ZMYND11: variants seen among roughly 807,000 people sequenced by gnomAD.
ZMYND11 encodes the protein zinc finger MYND domain-containing protein 11.
ZMYND11 carries 9 observed loss-of-function variants against 84.9 expected under a neutral mutation model. The observed-to-expected ratio is 0.11, with a 90% CI of 0.06 to 0.18. ZMYND11 has a LOEUF of 0.18. ZMYND11 is among the 10% of genes least tolerant of loss of function. The pLI, the probability that ZMYND11 is intolerant of heterozygous loss-of-function variation, is 1.00. For synonymous variants in ZMYND11, 250 were observed against 244.1 expected (o/e 1.02, Z -0.23); for missense variants, 409 against 761.0 (o/e 0.54, Z 5.44).
intron 1 of ZMYND11, among the ~76,000 whole-genome samples, chr10:146,750 G>A (rs1359819161): frequency 7.9e-5 from 12 of 152,320 alleles, no homozygotes; most frequent in African/African-American, 2.9e-4. Context: ...CACATGTTGT[G>A]GGAGGGACCC....
At chr10:153,259 C>T (rs1297039802) in intron 1 of ZMYND11, among the ~76,000 whole-genome samples, 1 of 152,010 alleles carries the variant, frequency 6.6e-6, no homozygotes, top group Non-Finnish European at 1.5e-5. Flanking sequence ...GAAACATTCT[C>T]GTTAAATTTA....
chr10:243,710 G>A (rs763282582), intron 10 of ZMYND11, among the ~76,000 whole-genome samples: 3 of 152,094 alleles, frequency 2.0e-5, no homozygotes, highest in Non-Finnish European at 2.9e-5. Context: ...CTAAAAATAT[G>A]AAAAATTAGC....
At chr10:141,374 A>G (rs1226898510) in intron 1 of ZMYND11, among the ~76,000 whole-genome samples, 8 of 152,192 alleles carry the variant, frequency 5.3e-5, no homozygotes, top group African/African-American at 1.7e-4. Flanking sequence ...AGAGTAACAC[A>G]TTTACTGAAG....
At chr10:235,473 C>T (rs557611941) in intron 4 of ZMYND11, among the ~76,000 whole-genome samples, 1 of 151,768 alleles carries the variant, frequency 6.6e-6, no homozygotes, top group South Asian at 2.1e-4. Context: ...ACTTTATATT[C>T]CATATCTATG....
intron 10 of ZMYND11, among the ~76,000 whole-genome samples, chr10:244,938 AG>A (rs1951823828): frequency 6.6e-6 from 1 of 152,254 alleles, no homozygotes; most frequent in Non-Finnish European, 1.5e-5. Flanking sequence ...CATTCCAGGT[AG>A]TCAGCACTGC....
chr10:195,267 C>T (rs1222043625), intron 2 of ZMYND11, among the ~76,000 whole-genome samples: 1 of 152,000 alleles, frequency 6.6e-6, no homozygotes, highest in Non-Finnish European at 1.5e-5. Flanking sequence ...TTCTCAGTGG[C>T]TAACGTCAGG....
At chr10:239,366 CCTG>C in intron 6 of ZMYND11, 69 bp from the exon 7 acceptor site, 1 of 1,217,662 alleles carries the variant, frequency 8.2e-7, no homozygotes, top group Non-Finnish European at 1.2e-6. Context: ...GACTGCTTGT[CCTG>C]TGAACTTAGT....
intron 2 of ZMYND11, among the ~76,000 whole-genome samples, chr10:181,567 C>T (rs1000511658): frequency 2.0e-5 from 3 of 151,988 alleles, no homozygotes; most frequent in Non-Finnish European, 2.9e-5. Flanking sequence ...TGCAGTGAGC[C>T]GAGGAAAGGC....
intron 3 of ZMYND11, among the ~76,000 whole-genome samples, 196 bp from the exon 4 acceptor site, chr10:220,999 T>C (rs1372481547): frequency 6.6e-6 from 1 of 152,198 alleles, no homozygotes; most frequent in East Asian, 1.9e-4. Context: ...TTTCTGAATA[T>C]TACCACTGTT....
intron 2 of ZMYND11, among the ~76,000 whole-genome samples, chr10:183,908 A>T (rs1848404713): frequency 6.6e-6 from 1 of 152,106 alleles, no homozygotes; most frequent in Non-Finnish European, 1.5e-5. Flanking sequence ...GATTTCTCCC[A>T]GGTGCTCTGG....
intron 1 of ZMYND11, among the ~76,000 whole-genome samples, chr10:153,520 T>A (rs1481409907): frequency 6.6e-6 from 1 of 152,266 alleles, no homozygotes; most frequent in African/African-American, 2.4e-5. Context: ...CCTTTTCTTT[T>A]TTAAATTTAC....
chr10:184,385 TA>T, intron 2 of ZMYND11, among the ~76,000 whole-genome samples: 1 of 152,312 alleles, frequency 6.6e-6, no homozygotes, highest in East Asian at 1.9e-4. Flanking sequence ...TTGTACTTTT[TA>T]ATTCTTTTCA....
intron 2 of ZMYND11, among the ~76,000 whole-genome samples, chr10:189,571 T>C (rs1215494119): frequency 1.3e-5 from 2 of 152,250 alleles, no homozygotes; most frequent in Non-Finnish European, 2.9e-5. Context: ...TATACTGTTA[T>C]TATTGTATAC....
chr10:250,703 G>A (rs755622495), intron 14 of ZMYND11, among the ~76,000 whole-genome samples: 1 of 151,998 alleles, frequency 6.6e-6, no homozygotes, highest in Non-Finnish European at 1.5e-5. Flanking sequence ...TGGCAGAGCT[G>A]AGCTTTTTGT....
chr10:182,963 T>A (rs1005905939), intron 2 of ZMYND11, among the ~76,000 whole-genome samples: 3 of 152,222 alleles, frequency 2.0e-5, no homozygotes, highest in Admixed American at 6.5e-5. Context: ...TGCAGATATC[T>A]TAAGGTACTG....
At chr10:160,115 A>C (rs1237597842) in intron 1 of ZMYND11, among the ~76,000 whole-genome samples, 1 of 152,176 alleles carries the variant, frequency 6.6e-6, no homozygotes, top group African/African-American at 2.4e-5. Flanking sequence ...GATGGCTTTG[A>C]AGCTGATATG....
chr10:174,195 C>A (rs76405832), intron 1 of ZMYND11, among the ~76,000 whole-genome samples: 4,791 of 152,228 alleles, frequency 0.031, 110 homozygotes, highest in Non-Finnish European at 0.039. Flanking sequence ...TATATGCAGC[C>A]AGTGGAATGT....
At position 241,253 on chromosome 10, in the gene ZMYND11, G is replaced by A. The variant is rs182955368; in HGVS notation, c.831+283G>A. 1.4e-3 allele frequency among the ~76,000 whole-genome samples: 219 copies of A among 152,174 alleles called. 3 individuals carry two copies. Among genetic ancestry groups the A allele is most frequent in the African/African-American group, 5.1e-3 (213 of 41,512 alleles). The stretch of plus-strand genomic sequence containing the variant: ...TGCAGTGGTGTGATCTCAGCTCACC[G>A]TAGCCTTGACCTCCTCCAGGCTCAA... On this transcript the variant is annotated intron_variant, in intron 9 of 14. Transcript: ENST00000381604.
intron 9 of ZMYND11, among the ~76,000 whole-genome samples, chr10:241,477 G>A (rs571375099): frequency 4.6e-5 from 7 of 151,992 alleles, no homozygotes; most frequent in South Asian, 2.1e-4. Context: ...CACACCCAGC[G>A]TCTGGGTCCC....
Sources: allele counts gnomAD v4.1 joint callset (sites outside exome capture counted in the v4.1 genomes callset), GRCh38; gene constraint gnomAD v4.1.1; transcripts MANE v1.5; gene names NCBI Gene and HGNC (gene_info 2026-07-23, HGNC 2026-07-21).